DUOX1: variants seen among roughly 807,000 people sequenced by gnomAD.
DUOX1 encodes NADPH thyroid oxidase 1.
A neutral mutation model predicts 181.8 loss-of-function variants in DUOX1; 134 were observed. The observed-to-expected ratio is 0.74, with a 90% CI of 0.64 to 0.85. DUOX1 has a LOEUF of 0.85. Ranked by LOEUF, DUOX1 falls within the 40% of genes least tolerant of loss-of-function variation. The probability of loss-of-function intolerance (pLI) is 0.00; values close to 1 mark genes in which losing one functional copy is unlikely to be tolerated. For missense variants in DUOX1, 1,814 were observed against 2,064.4 expected (o/e 0.88, Z 2.35); for synonymous variants, 798 against 832.5 (o/e 0.96, Z 0.71).
chr15:45,157,240 G>A (rs534335373), intron 28 of DUOX1, among the ~76,000 whole-genome samples: 31 of 152,284 alleles, frequency 2.0e-4, no homozygotes, highest in South Asian at 6.2e-4. Flanking sequence ...GATGATATGC[G>A]TTTCCTAAGA....
intron 21 of DUOX1, 33 bp downstream of exon 21, chr15:45,148,480 TG>T (rs1215945235): frequency 1.3e-6 from 2 of 1,590,954 alleles, no homozygotes; most frequent in Admixed American, 3.4e-5. Context: ...ACTGACTCAT[TG>T]GTTAGGCATA....
chr15:45,151,927 A>T lies in DUOX1; in HGVS notation c.3068A>T (p.Gln1023Leu). 6.2e-7 allele frequency: 1 copy of T among 1,614,008 alleles called. No individual in the cohort carries two copies. The highest frequency in any genetic ancestry group is 2.2e-5 in the East Asian group (1 of 44,872). ...LFTEAHREKF[Q>L]RSCLHQTVQQ... ...ACTGAGGCGCACCGAGAGAAGTTCC[A>T]ACGCAGCTGTCTCCACCAGACGGTG... The change falls in exon 24 of 34, where the codon CAA becomes CTA. Residue 1023 changes from glutamine to leucine, a missense_variant. This residue lies in a region of DUOX1 where 1,064 missense variants were observed against 1,152.9 expected (regional missense o/e 0.92). Coordinates refer to ENST00000389037, the MANE Select transcript of DUOX1 (RefSeq NM_175940.3).
intron 17 of DUOX1, 34 bp from the exon 18 acceptor site, chr15:45,144,861 C>A (rs755191700): frequency 9.5e-6 from 15 of 1,571,616 alleles, no homozygotes; most frequent in Middle Eastern, 4.3e-4. Context: ...GAGGCCTTGG[C>A]AAATGGTTGC....
chr15:45,160,240 A>C (rs1298243695), intron 28 of DUOX1, among the ~76,000 whole-genome samples: 1 of 152,132 alleles, frequency 6.6e-6, no homozygotes, highest in Non-Finnish European at 1.5e-5. Flanking sequence ...GACTGAGGGG[A>C]GGCCTGAGGA....
chr15:45,145,150 A>G, intron 18 of DUOX1, 70 bp downstream of exon 18: 1 of 1,374,842 alleles, frequency 7.3e-7, no homozygotes, highest in Non-Finnish European at 9.7e-7. Flanking sequence ...CCATGGGGTG[A>G]CTCGAGGGGA....
chr15:45,141,890 T>A, intron 14 of DUOX1, 85 bp from the exon 15 acceptor site: 1 of 1,450,314 alleles, frequency 6.9e-7, no homozygotes, highest in Non-Finnish European at 9.3e-7. Flanking sequence ...CCCCACCCCC[T>A]TTCTGCCACC....
intron 12 of DUOX1, chr15:45,139,942 C>A: frequency 1.4e-6 from 1 of 697,882 alleles, no homozygotes; most frequent in Non-Finnish European, 2.5e-6. Context: ...TTTCTTGCAC[C>A]GATGTTTAAG....
chr15:45,147,518 G>A lies in DUOX1; in HGVS notation c.2408G>A (p.Ser803Asn). 5 of 1,614,140 alleles carry A rather than the reference G, an allele frequency of 3.1e-6. No individual in the cohort carries two copies. Among genetic ancestry groups the A allele is most frequent in the Non-Finnish European group, 4.2e-6 (5 of 1,180,008 alleles). The change falls in exon 19 of 34, where the codon AGC becomes AAC. Residue 803 changes from serine to asparagine, a missense_variant. Physicochemically the swap from Ser to Asn is conservative, Grantham distance 46 (BLOSUM62 1). Coordinates refer to ENST00000389037, the MANE Select transcript of DUOX1 (RefSeq NM_175940.3). ...KVREALTCEL[S>N]RAEFAESLGL... ...CGGGAGGCCCTGACCTGTGAGCTGA[G>A]CAGGGCCGAGTTTGCCGAGTCCCTG...
intron 1 of DUOX1, among the ~76,000 whole-genome samples, chr15:45,130,561 C>T (rs1308575998): frequency 6.6e-6 from 1 of 152,236 alleles, no homozygotes; most frequent in African/African-American, 2.4e-5. Context: ...TGTGTTCTCT[C>T]TCTGGTTCTG....
At position 45,165,533 on chromosome 15, in the gene DUOX1, C is replaced by G. The variant is rs1042502872; in HGVS notation, c.*632C>G. ...GCAATGCTCCTCAGCCCTCTTCTCC[C>G]TGCTCCAGTAGTCTCCCTTCCAAAT... is the stretch of plus-strand genomic sequence containing the variant. On this transcript the variant is annotated 3_prime_UTR_variant, in exon 34 of 34. Transcript: ENST00000389037. 1 of 152,626 alleles carries G rather than the reference C, an allele frequency of 6.6e-6. No individual in the cohort carries two copies. The highest frequency in any genetic ancestry group is 2.4e-5 in the African/African-American group (1 of 41,480). 9.5% of individuals were successfully genotyped at this position (152,626 alleles called of 1,614,324 possible). A position where few individuals can be genotyped will look rare whatever the true frequency, so the allele number is the denominator to read the frequency against.
At chr15:45,159,080 C>T (rs1897034346) in intron 28 of DUOX1, among the ~76,000 whole-genome samples, 1 of 152,140 alleles carries the variant, frequency 6.6e-6, no homozygotes, top group South Asian at 2.1e-4. Flanking sequence ...AAAGGAAGGG[C>T]ATGAGCACAG....
chr15:45,163,335 C>T (rs988449089), intron 31 of DUOX1, among the ~76,000 whole-genome samples, 197 bp from the exon 32 acceptor site: 3 of 152,204 alleles, frequency 2.0e-5, no homozygotes, highest in African/African-American at 7.2e-5. Context: ...CTCTCACTTC[C>T]ACCTCTCTAT....
chr15:45,139,301 T>G, intron 11 of DUOX1, 126 bp from the exon 12 acceptor site: 1 of 1,593,488 alleles, frequency 6.3e-7, no homozygotes, highest in South Asian at 1.1e-5. Flanking sequence ...TGAAAGAGCT[T>G]CTGACATGCT....
intron 17 of DUOX1, 117 bp downstream of exon 17, chr15:45,144,352 C>A (rs937044873): frequency 7.0e-6 from 8 of 1,143,976 alleles, no homozygotes; most frequent in Admixed American, 2.0e-5. Context: ...GTGCAGGAGT[C>A]TGGCTTCTTG....
At chr15:45,132,849 T>C (rs980560053) in intron 2 of DUOX1, among the ~76,000 whole-genome samples, 15 of 152,226 alleles carry the variant, frequency 9.9e-5, no homozygotes, top group Admixed American at 8.5e-4. Context: ...CTCTCCTTTA[T>C]GTGCCACAGG....
At chr15:45,133,655 TC>T (rs959360564) in intron 2 of DUOX1, among the ~76,000 whole-genome samples, 1 of 152,184 alleles carries the variant, frequency 6.6e-6, no homozygotes, top group Admixed American at 6.5e-5. Context: ...CTGCCATGTC[TC>T]CCCCACTGAG....
chr15:45,131,867 A>T (rs1370637754), intron 1 of DUOX1, 51 bp from the exon 2 acceptor site: 8 of 1,316,000 alleles, frequency 6.1e-6, no homozygotes, highest in Non-Finnish European at 7.7e-6. Context: ...AGAGTCTTTC[A>T]CCTGATTCTT....
At chr15:45,148,235 C>A in intron 20 of DUOX1, 37 bp from the exon 21 acceptor site, 2 of 1,612,888 alleles carry the variant, frequency 1.2e-6, no homozygotes. Context: ...TCGCAGGCCC[C>A]AGTCAGGGCC....
intron 29 of DUOX1, 111 bp downstream of exon 29, chr15:45,161,101 C>T: frequency 6.6e-7 from 1 of 1,506,360 alleles, no homozygotes; most frequent in South Asian, 1.2e-5. Flanking sequence ...TGGCAGGTGC[C>T]TTGGGTGGCA....
Sources: gnomAD v4.1 joint callset for allele counts (sites outside exome capture counted in the v4.1 genomes callset) on GRCh38, gnomAD v4.1.1 for gene constraint, gnomAD v4.1.1 regional missense constraint, MANE v1.5 for transcripts, NCBI Gene and HGNC (gene_info 2026-07-23, HGNC 2026-07-21) for gene names.